The following MIPOL1 variants were observed in gnomAD, a reference collection of about 807,000 sequenced individuals.
MIPOL1 encodes mirror-image polydactyly gene 1 protein.
In MIPOL1, 57 loss-of-function variants were observed where a neutral mutation model predicts 60.9. The ratio of observed to expected loss-of-function variants is 0.94; its 90% CI spans 0.76 to 1.17. The LOEUF (loss-of-function observed/expected upper bound fraction) is 1.17, where lower values mean the gene tolerates loss of function less well. Ranked by LOEUF, MIPOL1 falls within the 50% of genes most tolerant of loss-of-function variation. The probability of loss-of-function intolerance (pLI) is 0.00; values close to 1 mark genes in which losing one functional copy is unlikely to be tolerated. For missense variants in MIPOL1, 551 were observed against 511.6 expected (o/e 1.08, Z -0.74); for synonymous variants, 179 against 168.8 (o/e 1.06, Z -0.47).
At chr14:37,204,704 T>C (rs1332889340) in intron 1 of MIPOL1, among the ~76,000 whole-genome samples, 4 of 152,148 alleles carry the variant, frequency 2.6e-5, no homozygotes, top group African/African-American at 7.2e-5. Flanking sequence ...AGTATGTCTT[T>C]ATTAGCAGCG....
chr14:37,211,859 T>G (rs1238671658), intron 1 of MIPOL1, among the ~76,000 whole-genome samples: 2 of 151,610 alleles, frequency 1.3e-5, no homozygotes. Context: ...GGACTTTATC[T>G]TGCATCGAGG....
chr14:37,235,688 C>T (rs1971352046), intron 1 of MIPOL1, among the ~76,000 whole-genome samples: 1 of 152,006 alleles, frequency 6.6e-6, no homozygotes, highest in African/African-American at 2.4e-5. Context: ...TAGTAACTTC[C>T]AGAACTTTTC....
At chr14:37,364,622 C>T (rs1325999744) in intron 9 of MIPOL1, among the ~76,000 whole-genome samples, 1 of 152,096 alleles carries the variant, frequency 6.6e-6, no homozygotes, top group Non-Finnish European at 1.5e-5. Flanking sequence ...TTTGTTTACT[C>T]TGTCTCTGTA....
At chr14:37,387,318 ATAGT>A (rs1566495465) in intron 10 of MIPOL1, among the ~76,000 whole-genome samples, 1 of 151,940 alleles carries the variant, frequency 6.6e-6, no homozygotes, top group Non-Finnish European at 1.5e-5. Flanking sequence ...AGGATTTATA[ATAGT>A]TCTGTATTGT....
intron 1 of MIPOL1, among the ~76,000 whole-genome samples, chr14:37,245,985 T>C (rs1973139693): frequency 6.6e-6 from 1 of 152,136 alleles, no homozygotes. Flanking sequence ...TTTTGTGTAG[T>C]ACTTGTTAGT....
At chr14:37,426,570 C>CATACATATATAT (rs1555339853) in intron 11 of MIPOL1, among the ~76,000 whole-genome samples, 2 of 85,530 alleles carry the variant, frequency 2.3e-5, no homozygotes, top group Non-Finnish European at 4.5e-5. Flanking sequence ...TCAAAATATA[C>CATACATATATAT]ATATATATAT....
intron 10 of MIPOL1, among the ~76,000 whole-genome samples, chr14:37,417,411 C>T (rs1195068097): frequency 6.6e-6 from 1 of 152,126 alleles, no homozygotes; most frequent in Non-Finnish European, 1.5e-5. Context: ...AACAGAGAGA[C>T]ATGACATCAG....
At chr14:37,238,498 G>C (rs1234068041) in intron 1 of MIPOL1, among the ~76,000 whole-genome samples, 6 of 152,038 alleles carry the variant, frequency 3.9e-5, no homozygotes, top group Non-Finnish European at 8.8e-5. Flanking sequence ...TAAATATTCA[G>C]TTTTGGTTTC....
chr14:37,543,401 G>A (rs1010578757), intron 12 of MIPOL1, among the ~76,000 whole-genome samples: 5 of 151,760 alleles, frequency 3.3e-5, no homozygotes, highest in Non-Finnish European at 7.4e-5. Context: ...TCAGCCTCCC[G>A]AATAGCTGGG....
intron 11 of MIPOL1, among the ~76,000 whole-genome samples, chr14:37,472,699 A>T (rs1451698359): frequency 1.3e-5 from 2 of 152,080 alleles, no homozygotes; most frequent in African/African-American, 4.8e-5. Context: ...TCAACATCCT[A>T]TTGTACAATT....
intron 9 of MIPOL1, among the ~76,000 whole-genome samples, chr14:37,337,002 A>G (rs2153458690): frequency 6.6e-6 from 1 of 152,078 alleles, no homozygotes; most frequent in South Asian, 2.1e-4. Context: ...ACCTCAAGTT[A>G]TCTGCCTGCT....
chr14:37,248,027 C>A, intron 3 of MIPOL1, 120 bp downstream of exon 3: 2 of 877,470 alleles, frequency 2.3e-6, no homozygotes, highest in Admixed American at 2.3e-5. Flanking sequence ...CGCACACACA[C>A]ACACAAAACA....
chr14:37,229,354 T>C (rs962321962), intron 1 of MIPOL1, among the ~76,000 whole-genome samples: 20 of 152,066 alleles, frequency 1.3e-4, no homozygotes, highest in African/African-American at 4.6e-4. Context: ...CCATATTGCT[T>C]ATGCTGGTCT....
chr14:37,445,581 T>C (rs1269333785), intron 11 of MIPOL1, among the ~76,000 whole-genome samples: 3 of 151,570 alleles, frequency 2.0e-5, no homozygotes, highest in African/African-American at 7.3e-5. Context: ...ACTTTAAAGT[T>C]CATATGGAAC....
chr14:37,475,668 G>GA lies in MIPOL1; in HGVS notation c.1032-24231dup, dbSNP rs199798229. 4.6e-3 allele frequency among the ~76,000 whole-genome samples: 692 copies of GA among 150,236 alleles called. 4 individuals carry two copies. Among genetic ancestry groups the GA allele is most frequent in the African/African-American group, 0.015 (622 of 40,988 alleles). ...TCCAATTGTTCCAGCACTATTTGTTGAAAAAAAAAGAAACTATTCTTTGTC... is the reference window on the plus strand; with the variant it reads ...TCCAATTGTTCCAGCACTATTTGTTGAAAAAAAAAAGAAACTATTCTTTGTC... On this transcript the variant is annotated intron_variant, in intron 11 of 12. Coordinates refer to ENST00000684589, the MANE Select transcript of MIPOL1 (RefSeq NM_001388067.1).
At chr14:37,486,051 G>A (rs892469456) in intron 11 of MIPOL1, among the ~76,000 whole-genome samples, 1 of 152,056 alleles carries the variant, frequency 6.6e-6, no homozygotes, top group Non-Finnish European at 1.5e-5. Flanking sequence ...TCTTCATATG[G>A]CTAGCCAGTT....
At chr14:37,526,496 A>G (rs1318817127) in intron 12 of MIPOL1, among the ~76,000 whole-genome samples, 4 of 150,182 alleles carry the variant, frequency 2.7e-5, no homozygotes, top group African/African-American at 9.8e-5. Context: ...CAGCCCCCCA[A>G]GTAGCTGGGA....
chr14:37,538,930 C>T lies in MIPOL1; in HGVS notation c.1263-7975C>T, dbSNP rs192442472. 2.6e-3 allele frequency among the ~76,000 whole-genome samples: 398 copies of T among 152,282 alleles called. 5 individuals carry two copies. Among genetic ancestry groups the T allele is most frequent in the Non-Finnish European group, 1.6e-3 (112 of 68,030 alleles). On this transcript the variant is annotated intron_variant, in intron 12 of 12. Transcript: ENST00000684589. The stretch of plus-strand genomic sequence containing the variant: ...GGCTTATAGAACTGCCCAGCTGACG[C>T]GGTGGCTCACACCTGTAATCCCAGC...
At chr14:37,517,882 G>C (rs1278173649) in intron 12 of MIPOL1, among the ~76,000 whole-genome samples, 1 of 152,154 alleles carries the variant, frequency 6.6e-6, no homozygotes, top group Non-Finnish European at 1.5e-5. Flanking sequence ...TACAGGCAAG[G>C]ATGGGAGTGC....
Sources: gnomAD v4.1 joint callset for allele counts (sites outside exome capture counted in the v4.1 genomes callset) on GRCh38, gnomAD v4.1.1 for gene constraint, MANE v1.5 for transcripts, NCBI Gene and HGNC (gene_info 2026-07-23, HGNC 2026-07-21) for gene names.